Variants in AGAP1 observed in about 807,000 individuals in gnomAD.
AGAP1 encodes arf-GAP with GTPase, ANK repeat and PH domain-containing protein 1.
AGAP1 carries 29 observed loss-of-function variants against 105.3 expected under a neutral mutation model. The ratio of observed to expected loss-of-function variants is 0.28; its 90% CI spans 0.21 to 0.38. The LOEUF (loss-of-function observed/expected upper bound fraction) is 0.38. AGAP1 is among the 10% of genes least tolerant of loss of function. The probability of loss-of-function intolerance (pLI) is 1.00; values close to 1 mark genes in which losing one functional copy is unlikely to be tolerated. For synonymous variants in AGAP1, 509 were observed against 485.9 expected, an observed-to-expected ratio of 1.05 and a Z score of -0.63; for missense variants, 998 against 1,165.1, an observed-to-expected ratio of 0.86 and a Z score of 2.09.
rs1391197143 is a variant in AGAP1, at chr2:235,728,189, A to C, written c.310+10545A>C. 2.6e-5 allele frequency among the ~76,000 whole-genome samples: 4 copies of C among 152,130 alleles called. No homozygotes were observed. The highest frequency in any genetic ancestry group is 1.3e-4 in the Admixed American group (2 of 15,290). On this transcript the variant is annotated intron_variant, in intron 3 of 17. Transcript: ENST00000304032. This position sits in a 1 kb window ranked among gnomAD's most constrained non-coding sequence, Gnocchi z 4.3. ...AACGGCAAATTAGGTCGAGTGCCAG[A>C]AAGAATTACATCAGGAGAATCTGAG...
intron 12 of AGAP1, among the ~76,000 whole-genome samples, chr2:235,941,255 T>G (rs1462859942): frequency 6.6e-6 from 1 of 152,164 alleles, no homozygotes; most frequent in Non-Finnish European, 1.5e-5. Context: ...TCTTAGCCTG[T>G]TCCTGAATCA....
intron 1 of AGAP1, among the ~76,000 whole-genome samples, chr2:235,512,049 G>GTGTGTGAATGCGTA (rs1942159661): frequency 6.6e-6 from 1 of 150,700 alleles, no homozygotes; most frequent in Non-Finnish European, 1.5e-5. Context: ...GAATGGATGT[G>GTGTGTGAATGCGTA]TGTGTGAATG....
In AGAP1 at chr2:235,751,303, C is replaced by A. The variant is rs954614383; in HGVS notation, c.673+815C>A. 6.6e-6 allele frequency among the ~76,000 whole-genome samples: 1 copy of A among 152,090 alleles called. No homozygotes were observed. The highest frequency in any genetic ancestry group is 1.5e-5 in the Non-Finnish European group (1 of 68,010). The stretch of plus-strand genomic sequence containing the variant: ...AGAGGCATGGTTCTGGCAGAGGGTC[C>A]CCTTGCTGGTGGGAGTGGTGGAAGT... On this transcript the variant is annotated intron_variant, in intron 6 of 17. Coordinates refer to ENST00000304032, the MANE Select transcript of AGAP1 (RefSeq NM_001037131.3). The surrounding 1 kb of genome is among the most constrained non-coding windows in gnomAD (Gnocchi z 5.3).
intron 16 of AGAP1, among the ~76,000 whole-genome samples, chr2:236,084,683 A>G (rs1489130917): frequency 6.6e-6 from 1 of 151,982 alleles, no homozygotes; most frequent in African/African-American, 2.4e-5. Context: ...CAGGCAGATC[A>G]TTTGAGGTCA....
chr2:235,986,944 G>A (rs1027735229), intron 13 of AGAP1, among the ~76,000 whole-genome samples: 1 of 151,826 alleles, frequency 6.6e-6, no homozygotes, highest in Non-Finnish European at 1.5e-5. Context: ...TTTTTTTGTT[G>A]TGTCTCTTCC....
At position 235,552,952 on chromosome 2, in the gene AGAP1, T is replaced by G. The variant is rs1394586740; in HGVS notation, c.163+58103T>G. Among the ~76,000 whole-genome samples, 1 of 152,208 alleles carries G rather than the reference T, an allele frequency of 6.6e-6. No individual in the cohort carries two copies. Among genetic ancestry groups the G allele is most frequent in the Non-Finnish European group, 1.5e-5 (1 of 68,034 alleles). On this transcript the variant is annotated intron_variant, in intron 1 of 17. Transcript: ENST00000304032. This position sits in a 1 kb window ranked among gnomAD's most constrained non-coding sequence, Gnocchi z 5.9. Reference sequence around the variant, plus strand: ...TCTCACACACATACATCCACACATGTGCATCTGATTGTGTGTGTGACACAG... The same window carrying G: ...TCTCACACACATACATCCACACATGGGCATCTGATTGTGTGTGTGACACAG...
Position 235,936,033 on chromosome 2 carries a change from G to T in AGAP1, c.1483+5110G>T, listed in dbSNP as rs1421343822. 6.6e-6 allele frequency among the ~76,000 whole-genome samples: 1 copy of T among 152,180 alleles called. No individual in the cohort carries two copies. Among genetic ancestry groups the T allele is most frequent in the African/African-American group, 2.4e-5 (1 of 41,436 alleles). On this transcript the variant is annotated intron_variant, in intron 12 of 17. Coordinates refer to ENST00000304032, the MANE Select transcript of AGAP1 (RefSeq NM_001037131.3). This position sits in a 1 kb window ranked among gnomAD's most constrained non-coding sequence, Gnocchi z 4.7. The stretch of plus-strand genomic sequence containing the variant: ...GCCTCGTCGGGTGGTCTCAGCTAAT[G>T]CTGTTGCCATGGCAGCCTCGCTCCC...
At chr2:235,760,303 C>T (rs549697896) in intron 6 of AGAP1, among the ~76,000 whole-genome samples, 114 of 152,326 alleles carry the variant, frequency 7.5e-4, no homozygotes, top group African/African-American at 2.4e-3. Flanking sequence ...CTCTTGAACC[C>T]GGGAGGCGGA....
In AGAP1 at chr2:235,665,014, C is replaced by T. The variant is rs1948081587; in HGVS notation, c.164-44165C>T. 6.6e-6 allele frequency among the ~76,000 whole-genome samples: 1 copy of T among 152,048 alleles called. No individual in the cohort carries two copies. Among genetic ancestry groups the T allele is most frequent in the Non-Finnish European group, 1.5e-5 (1 of 68,018 alleles). ...GATGGGAGAATCATCTGAGGTGAGG[C>T]GTTCGAGACCAGCCTGGGCAACATG... On this transcript the variant is annotated intron_variant, in intron 1 of 17. Coordinates refer to ENST00000304032, the MANE Select transcript of AGAP1 (RefSeq NM_001037131.3). This position sits in a 1 kb window ranked among gnomAD's most constrained non-coding sequence, Gnocchi z 5.3.
chr2:235,925,693 ACTGT>A (rs2052412651), intron 11 of AGAP1, among the ~76,000 whole-genome samples: 1 of 152,108 alleles, frequency 6.6e-6, no homozygotes, highest in Non-Finnish European at 1.5e-5. Flanking sequence ...GTCTTTGTTG[ACTGT>A]CGGCGGCCAC....
chr2:235,607,030 G>A (rs1018755274), intron 1 of AGAP1, among the ~76,000 whole-genome samples: 18 of 151,632 alleles, frequency 1.2e-4, no homozygotes, highest in African/African-American at 4.1e-4. Flanking sequence ...ATCTCATCTG[G>A]CCCATGAGAC....
chr2:236,070,856 A>G (rs941616288), intron 16 of AGAP1, among the ~76,000 whole-genome samples: 10 of 152,142 alleles, frequency 6.6e-5, no homozygotes, highest in African/African-American at 2.4e-4. Flanking sequence ...AATGTCCCCA[A>G]ATTGGTTGTC....
At position 235,550,773 on chromosome 2, in the gene AGAP1, AT is replaced by A. The variant is rs1336380725; in HGVS notation, c.163+55929del. On this transcript the variant is annotated intron_variant, in intron 1 of 17. Transcript: ENST00000304032. This position sits in a 1 kb window ranked among gnomAD's most constrained non-coding sequence, Gnocchi z 4.6. ...GATGCTGATGAGATAGTGTTTATTT[AT>A]TTTTATCTTATTTTTTTTGAGATAG... Among the ~76,000 whole-genome samples the A allele has an allele frequency of 6.6e-6, 1 of 151,894 alleles. No individual in the cohort carries two copies. Among genetic ancestry groups the A allele is most frequent in the Non-Finnish European group, 1.5e-5 (1 of 67,974 alleles).
rs1294243624 is a variant in AGAP1, at chr2:235,799,329, T to C, written c.802-38T>C. 6.2e-7 allele frequency: 1 copy of C among 1,602,482 alleles called. No homozygotes were observed. Among genetic ancestry groups the C allele is most frequent in the Non-Finnish European group, 8.5e-7 (1 of 1,173,344 alleles). ...TAAGTGGAGGTCTTGGGTTCCTGAG[T>C]ATGTCGTTAATGAAACCTTGGATTT... On this transcript the variant is annotated intron_variant, in intron 7 of 17. Coordinates refer to ENST00000304032, the MANE Select transcript of AGAP1 (RefSeq NM_001037131.3). The surrounding 1 kb of genome is among the most constrained non-coding windows in gnomAD (Gnocchi z 5.0).
At chr2:235,768,693 C>T (rs543427356) in intron 6 of AGAP1, among the ~76,000 whole-genome samples, 2 of 152,210 alleles carry the variant, frequency 1.3e-5, no homozygotes, top group South Asian at 2.1e-4. Flanking sequence ...TGCACGGTGC[C>T]GGGGCACATT....
intron 12 of AGAP1, among the ~76,000 whole-genome samples, chr2:235,939,791 C>T (rs2053171210): frequency 6.6e-6 from 1 of 152,156 alleles, no homozygotes; most frequent in South Asian, 2.1e-4. Context: ...TTTCCTGCTG[C>T]TCTCTGGCTG....
chr2:235,647,481 A>G (rs1947430776), intron 1 of AGAP1, among the ~76,000 whole-genome samples: 1 of 152,064 alleles, frequency 6.6e-6, no homozygotes, highest in Non-Finnish European at 1.5e-5. Flanking sequence ...TCAGACTCCC[A>G]GGCTCAAGCG....
intron 10 of AGAP1, among the ~76,000 whole-genome samples, chr2:235,885,711 C>A (rs1219059061): frequency 6.6e-6 from 1 of 152,174 alleles, no homozygotes; most frequent in Non-Finnish European, 1.5e-5. Context: ...GCCCTTGTCT[C>A]CTTGTCTTTT....
chr2:235,950,375 G>A (rs2053680859), intron 12 of AGAP1, among the ~76,000 whole-genome samples: 1 of 151,832 alleles, frequency 6.6e-6, no homozygotes, highest in Non-Finnish European at 1.5e-5. Context: ...GGATATCACA[G>A]GGTGTGTGGG....
Sources: allele counts gnomAD v4.1 joint callset (sites outside exome capture counted in the v4.1 genomes callset), GRCh38; gene constraint gnomAD v4.1.1; non-coding constraint Gnocchi (gnomAD v3.1); transcripts MANE v1.5; gene names NCBI Gene and HGNC (gene_info 2026-07-23, HGNC 2026-07-21).